LTAP1: variants seen among roughly 807,000 people sequenced by gnomAD.
LTAP1 encodes the protein lipid transport auxiliary protein 1.
chr1:154,207,953 T>C, the LTAP1 span, among the ~76,000 whole-genome samples: 2 of 151,848 alleles, frequency 1.3e-5, no homozygotes, highest in East Asian at 3.9e-4. Flanking sequence ...ATACAAAAAT[T>C]AGCTGGGAGT....
At chr1:154,207,422 C>G in the LTAP1 span, 2 of 1,610,404 alleles carry the variant, frequency 1.2e-6, no homozygotes, top group Non-Finnish European at 1.7e-6. Context: ...AACTGACTGG[C>G]TTAATCTACG....
chr1:154,214,645 CAG>C, the LTAP1 span: 7 of 937,646 alleles, frequency 7.5e-6, no homozygotes, highest in South Asian at 7.4e-5. Context: ...GAAAATGGGG[CAG>C]AGTTAATGAA....
At chr1:154,216,438 G>A in the LTAP1 span, among the ~76,000 whole-genome samples, 2 of 151,484 alleles carry the variant, frequency 1.3e-5, no homozygotes, top group Non-Finnish European at 2.9e-5. Flanking sequence ...GAGCTCAGAT[G>A]ATCCTCCTGC....
chr1:154,209,833 G>A, the LTAP1 span, among the ~76,000 whole-genome samples: 3 of 151,438 alleles, frequency 2.0e-5, no homozygotes, highest in South Asian at 4.2e-4. Context: ...TTCATGAACC[G>A]CCCGCCTCGG....
At chr1:154,220,265 G>C in the LTAP1 span, 2 of 1,542,054 alleles carry the variant, frequency 1.3e-6, no homozygotes. Context: ...GGAGAATGCA[G>C]ACGGGGTACA....
the LTAP1 span, among the ~76,000 whole-genome samples, chr1:154,217,506 G>A: frequency 2.0e-5 from 3 of 152,030 alleles, no homozygotes; most frequent in Admixed American, 6.6e-5. Context: ...TCTTGTGAAC[G>A]GCATTTTGGC....
At chr1:154,207,448 C>A in the LTAP1 span, 1 of 1,613,744 alleles carries the variant, frequency 6.2e-7, no homozygotes. Context: ...AGTCCTTCAG[C>A]TCCGTCACAG....
chr1:154,209,416 C>G, the LTAP1 span, among the ~76,000 whole-genome samples: 8 of 142,472 alleles, frequency 5.6e-5, no homozygotes, highest in African/African-American at 2.0e-4. Context: ...CATCAGTGCT[C>G]TAAGCAGTTT....
At chr1:154,209,462 G>A in the LTAP1 span, among the ~76,000 whole-genome samples, 1 of 117,306 alleles carries the variant, frequency 8.5e-6, no homozygotes, top group Admixed American at 1.1e-4. Flanking sequence ...GTCTCACTCT[G>A]TTGCCCAGGT....
the LTAP1 span, chr1:154,207,415 TGACTGGCTTAATCTACGGCAA>T: frequency 6.2e-7 from 1 of 1,603,988 alleles, no homozygotes; most frequent in Non-Finnish European, 8.5e-7. Context: ...ACATTGCAAC[TGACTGGCTTAATCTACGGCAA>T]GAGTCCTTCA....
chr1:154,212,217 T>C, the LTAP1 span: 1 of 1,217,626 alleles, frequency 8.2e-7, no homozygotes, highest in Non-Finnish European at 1.2e-6. Flanking sequence ...ACTCTTATGG[T>C]ATCATGGATT....
At chr1:154,219,954 A>G in the LTAP1 span, 1 of 1,559,588 alleles carries the variant, frequency 6.4e-7, no homozygotes. Context: ...AAAAAGATGT[A>G]AAAATCCTTT....
chr1:154,216,981 A>C, the LTAP1 span, among the ~76,000 whole-genome samples: 1 of 143,952 alleles, frequency 6.9e-6, no homozygotes, highest in African/African-American at 2.6e-5. Context: ...ACAGAGACTC[A>C]CTCTGTCACC....
the LTAP1 span, chr1:154,214,606 T>C: frequency 7.1e-7 from 1 of 1,413,164 alleles, no homozygotes; most frequent in East Asian, 2.3e-5. Context: ...ACACAATCAT[T>C]TACCCTGCAC....
the LTAP1 span, chr1:154,219,998 A>T: frequency 5.3e-3 from 4,423 of 826,964 alleles, 21 homozygotes; most frequent in Middle Eastern, 0.016. Flanking sequence ...TTTTTTTTTT[A>T]AAAAAGCATG....
At chr1:154,211,285 G>A in the LTAP1 span, among the ~76,000 whole-genome samples, 1 of 146,388 alleles carries the variant, frequency 6.8e-6, no homozygotes, top group Non-Finnish European at 1.5e-5. Context: ...TTATAGGCGT[G>A]AGCCACCGCG....
the LTAP1 span, among the ~76,000 whole-genome samples, chr1:154,216,513 T>C: frequency 6.7e-6 from 1 of 148,740 alleles, no homozygotes; most frequent in Non-Finnish European, 1.5e-5. Context: ...TATTAAACAT[T>C]TTTTTTTTTT....
chr1:154,220,192 C>T, the LTAP1 span: 118 of 1,028,272 alleles, frequency 1.1e-4, no homozygotes, highest in East Asian at 2.8e-3. Context: ...GACTAAGTGA[C>T]TTAAACTCCC....
the LTAP1 span, among the ~76,000 whole-genome samples, chr1:154,211,324 CTTTTTTTTTTTT>C: frequency 3.6e-3 from 121 of 34,054 alleles, no homozygotes; most frequent in South Asian, 0.052. Flanking sequence ...TTATTTAATT[CTTTTTTTTTTTT>C]TTTTTTTTTT....
Sources: allele counts gnomAD v4.1 joint callset (sites outside exome capture counted in the v4.1 genomes callset), GRCh38; gene constraint gnomAD v4.1.1; transcripts MANE v1.5; gene names NCBI Gene and HGNC (gene_info 2026-07-23, HGNC 2026-07-21).